The following TENM2 variants were observed in gnomAD, a reference collection of about 807,000 sequenced individuals.
The protein encoded by TENM2 is teneurin-2.
Under a neutral mutation model 245.2 loss-of-function variants are expected in TENM2, and 52 were observed. The observed-to-expected ratio is 0.21, with a 90% confidence interval of 0.17 to 0.27. The LOEUF (loss-of-function observed/expected upper bound fraction) is 0.27. Ranked by LOEUF, TENM2 falls within the 10% of genes least tolerant of loss-of-function variation. TENM2 has a pLI of 1.00. For synonymous variants in TENM2, 1,363 were observed against 1,438.9 expected, an observed-to-expected ratio of 0.95 and a Z score of 1.19; for missense variants, 3,046 against 3,666.8, an observed-to-expected ratio of 0.83 and a Z score of 4.37.
the TENM2 span, among the ~76,000 whole-genome samples, chr5:167,148,234 G>T: frequency 6.6e-6 from 1 of 152,162 alleles, no homozygotes; most frequent in Admixed American, 6.5e-5. Flanking sequence ...TTCTCCTTGT[G>T]TATGAAAGAG....
At chr5:167,806,546 A>G (rs903201029) in intron 2 of TENM2, among the ~76,000 whole-genome samples, 2 of 152,080 alleles carry the variant, frequency 1.3e-5, no homozygotes, top group Non-Finnish European at 2.9e-5. Context: ...GGTAATGAAG[A>G]TGGCCCCCAG....
the TENM2 span, among the ~76,000 whole-genome samples, chr5:167,068,816 G>A: frequency 1.3e-5 from 2 of 152,236 alleles, no homozygotes; most frequent in South Asian, 2.1e-4. Context: ...TTATTTTATT[G>A]TGAGTCCCAA....
chr5:167,294,604 A>G (rs1027544954), intron 1 of TENM2, among the ~76,000 whole-genome samples: 2 of 152,162 alleles, frequency 1.3e-5, no homozygotes, highest in Non-Finnish European at 2.9e-5. Flanking sequence ...CCCACCACTC[A>G]GAGTTGACCT....
intron 1 of TENM2, among the ~76,000 whole-genome samples, chr5:167,342,566 G>T (rs1252718954): frequency 1.7e-5 from 2 of 120,108 alleles, no homozygotes; most frequent in Admixed American, 2.2e-4. Context: ...TGTCGCCCAG[G>T]CCGGACTGCG....
chr5:167,847,246 C>T (rs1055298091), intron 2 of TENM2, among the ~76,000 whole-genome samples: 1 of 152,196 alleles, frequency 6.6e-6, no homozygotes, highest in Admixed American at 6.5e-5. Flanking sequence ...AGCCGCCATG[C>T]CCAGCCTCAC....
intron 2 of TENM2, among the ~76,000 whole-genome samples, chr5:167,573,201 G>A (rs1435257998): frequency 5.9e-5 from 9 of 152,212 alleles, no homozygotes; most frequent in African/African-American, 1.9e-4. Flanking sequence ...GCAAATTGCC[G>A]TAGAAATTAG....
At chr5:167,454,089 A>G (rs745871127) in intron 2 of TENM2, among the ~76,000 whole-genome samples, 5 of 152,086 alleles carry the variant, frequency 3.3e-5, no homozygotes, top group Admixed American at 6.6e-5. Flanking sequence ...CAGTGCCCAT[A>G]ATCATATTAT....
intron 5 of TENM2, among the ~76,000 whole-genome samples, chr5:167,998,426 G>A (rs955560016): frequency 6.6e-6 from 1 of 152,196 alleles, no homozygotes; most frequent in African/African-American, 2.4e-5. Context: ...AAGGAAGAAA[G>A]ATGCTTCTCA....
chr5:168,174,750 G>T (rs760538139), intron 13 of TENM2, among the ~76,000 whole-genome samples: 12 of 152,192 alleles, frequency 7.9e-5, no homozygotes, highest in Non-Finnish European at 1.5e-4. Flanking sequence ...TGAGGCGGTG[G>T]CCACTTCATT....
At chr5:167,190,966 C>T in the TENM2 span, among the ~76,000 whole-genome samples, 556 of 152,030 alleles carry the variant, frequency 3.7e-3, 1 homozygote, top group Non-Finnish European at 5.5e-3. Context: ...TGTTATCTTT[C>T]GTTGTGTAAC....
chr5:168,047,528 A>G, exon 6 of TENM2: 1 of 1,551,740 alleles, frequency 6.4e-7, no homozygotes. Flanking sequence ...TGATGTGGCA[A>G]CAATGCCATC....
chr5:167,500,946 C>T (rs1371012348), intron 2 of TENM2, among the ~76,000 whole-genome samples: 1 of 152,102 alleles, frequency 6.6e-6, no homozygotes, highest in Non-Finnish European at 1.5e-5. Context: ...TTCTCTTTAG[C>T]TTTAAAATCT....
At chr5:168,203,281 A>G (rs1411957230) in intron 17 of TENM2, among the ~76,000 whole-genome samples, 1 of 152,256 alleles carries the variant, frequency 6.6e-6, no homozygotes, top group Non-Finnish European at 1.5e-5. Context: ...TAGTAAGTGG[A>G]AATAAATAAC....
chr5:167,523,159 C>T (rs1460874848), intron 2 of TENM2, among the ~76,000 whole-genome samples: 1 of 152,146 alleles, frequency 6.6e-6, no homozygotes, highest in African/African-American at 2.4e-5. Context: ...TAAGTTCTTC[C>T]TCTCAAGATT....
intron 3 of TENM2, among the ~76,000 whole-genome samples, chr5:167,945,203 A>C (rs1779511562): frequency 6.6e-6 from 1 of 152,186 alleles, no homozygotes; most frequent in Non-Finnish European, 1.5e-5. Context: ...AGTGAGACAG[A>C]CTGTTTTTAA....
chr5:167,744,847 A>AAC, intron 2 of TENM2, among the ~76,000 whole-genome samples: 1 of 152,150 alleles, frequency 6.6e-6, no homozygotes, highest in East Asian at 1.9e-4. Flanking sequence ...AACAAAACAA[A>AAC]AAAACCGTGA....
At chr5:167,139,508 C>T in the TENM2 span, among the ~76,000 whole-genome samples, 3 of 152,206 alleles carry the variant, frequency 2.0e-5, no homozygotes, top group East Asian at 3.8e-4. Flanking sequence ...CAAACAAATT[C>T]TTAAACCTCT....
chr5:166,982,548 A>G, the TENM2 span, among the ~76,000 whole-genome samples: 1 of 152,122 alleles, frequency 6.6e-6, no homozygotes, highest in Non-Finnish European at 1.5e-5. Flanking sequence ...ACTTAAACAG[A>G]AAGACAGACT....
chr5:168,045,216 C>G (rs912596586), intron 5 of TENM2, among the ~76,000 whole-genome samples: 18 of 152,122 alleles, frequency 1.2e-4, no homozygotes, highest in African/African-American at 4.3e-4. Flanking sequence ...TACTCTGACC[C>G]TAACCCTTTC....
Sources: allele counts gnomAD v4.1 joint callset (sites outside exome capture counted in the v4.1 genomes callset), GRCh38; gene constraint gnomAD v4.1.1; transcripts MANE v1.5; gene names NCBI Gene and HGNC (gene_info 2026-07-23, HGNC 2026-07-21).